ACAP2: variants seen among roughly 807,000 people sequenced by gnomAD.
The protein encoded by ACAP2 is arf-GAP with coiled-coil, ANK repeat and PH domain-containing protein 2.
In ACAP2, 39 loss-of-function variants were observed where a neutral mutation model predicts 115.8. That is an observed-to-expected ratio of 0.34 (90% CI 0.26 to 0.44). The LOEUF (loss-of-function observed/expected upper bound fraction) is 0.44. Among genes scored for constraint, ACAP2 ranks in the 20% least tolerant of loss-of-function variants. ACAP2 has a pLI of 1.00. For synonymous variants in ACAP2, 289 were observed against 315.8 expected (o/e 0.92, Z 0.90); for missense variants, 662 against 927.6 (o/e 0.71, Z 3.72).
chr3:195,304,887 T>C (rs1239074186), intron 13 of ACAP2, among the ~76,000 whole-genome samples: 1 of 152,252 alleles, frequency 6.6e-6, no homozygotes, highest in Non-Finnish European at 1.5e-5. Context: ...ACACTTATGA[T>C]GAGATAGCCA....
intron 4 of ACAP2, among the ~76,000 whole-genome samples, chr3:195,378,070 G>GGGAGGAAGGGAGGAAGGGAGGA (rs1560304550): frequency 1.0e-4 from 15 of 143,572 alleles, no homozygotes; most frequent in African/African-American, 4.0e-4. Context: ...GAGGGAGGGA[G>GGGAGGAAGGGAGGAAGGGAGGA]GGAGGAAGGG....
chr3:195,438,735 T>A (rs763924588), intron 1 of ACAP2, among the ~76,000 whole-genome samples: 34 of 151,144 alleles, frequency 2.2e-4, no homozygotes, highest in Admixed American at 7.3e-4. Flanking sequence ...ACACCCTTTT[T>A]AAAAAAAAAG....
intron 9 of ACAP2, chr3:195,326,561 G>C (rs1006804554): frequency 8.1e-6 from 2 of 247,508 alleles, no homozygotes; most frequent in Non-Finnish European, 1.6e-5. Context: ...CTTTTACAGG[G>C]AGTTGGTGGT....
Position 195,276,564 on chromosome 3 carries a change from A to AT in ACAP2, c.*2763dup, listed in dbSNP as rs1245691697. 4.6e-5 allele frequency: 7 copies of AT among 152,228 alleles called. No individual in the cohort carries two copies. Among genetic ancestry groups the AT allele is most frequent in the Admixed American group, 2.0e-4 (3 of 15,282 alleles). The allele number at this position is 152,228 out of a possible 1,614,324, so 9.4% of individuals were successfully genotyped here. ...TAAGCTAATGATAATGAGCTAACAG[A>AT]TTAATAATAAGGAATAAGAAACTAA... is the stretch of plus-strand genomic sequence containing the variant. On this transcript the variant is annotated 3_prime_UTR_variant, in exon 23 of 23. Coordinates refer to ENST00000326793, the MANE Select transcript of ACAP2 (RefSeq NM_012287.6).
At chr3:195,437,996 T>C (rs549365570) in intron 1 of ACAP2, among the ~76,000 whole-genome samples, 9 of 142,954 alleles carry the variant, frequency 6.3e-5, no homozygotes, top group Non-Finnish European at 1.4e-4. Flanking sequence ...GGATTACAAA[T>C]GTAAGCCATT....
At chr3:195,367,697 T>C (rs765489442) in intron 4 of ACAP2, among the ~76,000 whole-genome samples, 1 of 152,176 alleles carries the variant, frequency 6.6e-6, no homozygotes, top group Non-Finnish European at 1.5e-5. Context: ...TGATTTCACA[T>C]TCGTGAAGGC....
At chr3:195,325,022 T>C (rs750429219) in intron 9 of ACAP2, among the ~76,000 whole-genome samples, 1 of 152,106 alleles carries the variant, frequency 6.6e-6, no homozygotes. Context: ...AGATATAAGA[T>C]AAGGTGCTTA....
chr3:195,441,383 G>C (rs1283939902), intron 1 of ACAP2, among the ~76,000 whole-genome samples: 1 of 152,172 alleles, frequency 6.6e-6, no homozygotes, highest in African/African-American at 2.4e-5. Context: ...GAACATAAAA[G>C]TTTCAAAAAT....
At chr3:195,325,504 C>CA (rs1276959358) in intron 9 of ACAP2, 1 of 392,896 alleles carries the variant, frequency 2.5e-6, no homozygotes, top group East Asian at 7.5e-5. Flanking sequence ...TCATAATAAG[C>CA]AAAAAATAGC....
At chr3:195,363,869 G>C (rs1173989418) in intron 4 of ACAP2, among the ~76,000 whole-genome samples, 1 of 152,148 alleles carries the variant, frequency 6.6e-6, no homozygotes, top group African/African-American at 2.4e-5. Context: ...AACAGGGAAA[G>C]GGCAGTCTGT....
At chr3:195,303,771 C>G (rs1006415868) in intron 13 of ACAP2, among the ~76,000 whole-genome samples, 3 of 152,114 alleles carry the variant, frequency 2.0e-5, no homozygotes, top group African/African-American at 7.2e-5. Context: ...TCTGTCTCCC[C>G]GCCATCCTGC....
chr3:195,421,527 A>G (rs1560353980), intron 1 of ACAP2, among the ~76,000 whole-genome samples: 4 of 152,214 alleles, frequency 2.6e-5, no homozygotes, highest in Non-Finnish European at 4.4e-5. Context: ...AAGAGATGCC[A>G]TTGTTTGTAT....
intron 4 of ACAP2, among the ~76,000 whole-genome samples, chr3:195,355,252 A>G (rs1731877248): frequency 6.7e-6 from 1 of 150,126 alleles, no homozygotes; most frequent in Admixed American, 6.6e-5. Context: ...AGCCACAGCT[A>G]TCTAACAGCT....
intron 4 of ACAP2, among the ~76,000 whole-genome samples, chr3:195,357,434 T>A (rs1732049947): frequency 2.0e-5 from 3 of 152,132 alleles, no homozygotes. Flanking sequence ...AATGACTAGC[T>A]TCAGCCACTC....
At chr3:195,414,953 T>C (rs1713588488) in intron 1 of ACAP2, among the ~76,000 whole-genome samples, 1 of 152,102 alleles carries the variant, frequency 6.6e-6, no homozygotes, top group Non-Finnish European at 1.5e-5. Context: ...AGTAAAAATA[T>C]CAGTAGCTGC....
At position 195,292,251 on chromosome 3, in the gene ACAP2, G is replaced by A; in HGVS notation, c.1953+14C>T. On this transcript the variant is annotated intron_variant, in intron 19 of 22. Transcript: ENST00000326793. ...TTTGATTGCTACTGAAAATGTCATT[G>A]TATAAACGCATACCCCTAATACAGC... The A allele has an allele frequency of 6.4e-7, 1 of 1,559,208 alleles. No individual in the cohort carries two copies. The highest frequency in any genetic ancestry group is 8.6e-7 in the Non-Finnish European group (1 of 1,160,534).
chr3:195,316,107 C>A lies in ACAP2; in HGVS notation c.857+4594G>T, dbSNP rs1290265992. On this transcript the variant is annotated intron_variant, in intron 10 of 22. Transcript: ENST00000326793. ...AACTTTAAGTAGGTTGCTTTGAAAT[C>A]TGAAGGCTAAAATTCAATTCTGCCA... 4.0e-5 allele frequency among the ~76,000 whole-genome samples: 6 copies of A among 151,836 alleles called. No homozygotes were observed. The East Asian group carries it at 1.2e-3, about 29-fold the overall frequency.
chr3:195,337,974 C>T (rs1444311976), intron 6 of ACAP2, among the ~76,000 whole-genome samples: 1 of 152,068 alleles, frequency 6.6e-6, no homozygotes, highest in Non-Finnish European at 1.5e-5. Context: ...TGGGGCCACT[C>T]CCACCTCAAT....
chr3:195,305,440 G>A (rs1728358351), intron 13 of ACAP2, among the ~76,000 whole-genome samples: 1 of 152,126 alleles, frequency 6.6e-6, no homozygotes, highest in Non-Finnish European at 1.5e-5. Flanking sequence ...AATCAAATAT[G>A]AGGACAGAAC....
Sources: allele counts gnomAD v4.1 joint callset (sites outside exome capture counted in the v4.1 genomes callset), GRCh38; gene constraint gnomAD v4.1.1; transcripts MANE v1.5; gene names NCBI Gene and HGNC (gene_info 2026-07-23, HGNC 2026-07-21).